Variants in ASCC3 observed in about 807,000 individuals in gnomAD.
The protein encoded by ASCC3 is activating signal cointegrator 1 complex subunit 3.
In ASCC3, 158 loss-of-function variants were observed where a neutral mutation model predicts 256.3. The ratio of observed to expected loss-of-function variants is 0.62; its 90% CI spans 0.54 to 0.70. The LOEUF (loss-of-function observed/expected upper bound fraction) is 0.70. Among genes scored for constraint, ASCC3 ranks in the 30% least tolerant of loss-of-function variants. ASCC3 has a pLI of 0.00. For missense variants in ASCC3, 2,259 were observed against 2,626.0 expected (o/e 0.86, Z 3.05); for synonymous variants, 948 against 883.4 (o/e 1.07, Z -1.30).
chr6:100,621,530 A>G (rs2114846130), intron 30 of ASCC3, among the ~76,000 whole-genome samples: 2 of 152,326 alleles, frequency 1.3e-5, no homozygotes, highest in South Asian at 4.1e-4. Flanking sequence ...AAGCAAAACC[A>G]TAGTGAGGTA....
chr6:100,821,419 T>C (rs1480541947), intron 4 of ASCC3, among the ~76,000 whole-genome samples: 1 of 152,094 alleles, frequency 6.6e-6, no homozygotes, highest in Non-Finnish European at 1.5e-5. Flanking sequence ...GTGCACAAGT[T>C]TGGTTATTCA....
chr6:100,737,590 T>C (rs989495315), intron 10 of ASCC3, among the ~76,000 whole-genome samples: 2 of 152,224 alleles, frequency 1.3e-5, no homozygotes, highest in African/African-American at 2.4e-5. Flanking sequence ...CAGTATTCCA[T>C]GGTGTACAGA....
chr6:100,558,944 A>G (rs74368916), intron 36 of ASCC3, among the ~76,000 whole-genome samples: 1 of 152,278 alleles, frequency 6.6e-6, no homozygotes, highest in East Asian at 1.9e-4. Flanking sequence ...AAAAATGTTT[A>G]TCTCTTCTTG....
chr6:100,703,817 A>T lies in ASCC3; in HGVS notation c.2151+11645T>A, dbSNP rs75437760. ...ATAACAAATGACTGTTAACAAAGGA[A>T]TGAATAAATGGATAAATGTATAACC... On this transcript the variant is annotated intron_variant, in intron 13 of 41. Coordinates refer to ENST00000369162, the MANE Select transcript of ASCC3 (RefSeq NM_006828.4). Among the ~76,000 whole-genome samples the T allele has an allele frequency of 5.3e-3, 799 of 152,066 alleles. 8 individuals carry two copies. The highest frequency in any genetic ancestry group is 0.019 in the African/African-American group (769 of 41,552).
chr6:100,652,308 G>A (rs574851909), intron 18 of ASCC3, among the ~76,000 whole-genome samples: 4 of 152,242 alleles, frequency 2.6e-5, no homozygotes, highest in African/African-American at 4.8e-5. Context: ...CAGAGACAAC[G>A]TGTTGGATTG....
chr6:100,655,949 G>A (rs2114920698), intron 16 of ASCC3, 131 bp from the exon 17 acceptor site: 1 of 994,916 alleles, frequency 1.0e-6, no homozygotes, highest in Non-Finnish European at 1.5e-6. Flanking sequence ...GGTAGGCATA[G>A]TGACTGGACA....
At chr6:100,784,272 T>A (rs1370417315) in intron 8 of ASCC3, among the ~76,000 whole-genome samples, 1 of 152,146 alleles carries the variant, frequency 6.6e-6, no homozygotes, top group East Asian at 1.9e-4. Context: ...ATCTGAGTGT[T>A]GAAGATTTAT....
intron 36 of ASCC3, among the ~76,000 whole-genome samples, chr6:100,585,564 ACTT>A (rs1447459833): frequency 1.3e-5 from 2 of 152,068 alleles, no homozygotes; most frequent in African/African-American, 2.4e-5. Flanking sequence ...TCGTCTGAAG[ACTT>A]CTTCTCTCAA....
At chr6:100,780,688 T>C (rs1228295934) in intron 8 of ASCC3, among the ~76,000 whole-genome samples, 4 of 152,206 alleles carry the variant, frequency 2.6e-5, no homozygotes, top group African/African-American at 4.8e-5. Context: ...TTATTCTCTA[T>C]AGTTATCCTT....
chr6:100,872,653 A>G (rs1480279383), intron 1 of ASCC3, among the ~76,000 whole-genome samples: 3 of 152,026 alleles, frequency 2.0e-5, no homozygotes, highest in African/African-American at 4.8e-5. Flanking sequence ...CCCAGGATAT[A>G]CCCCAAATAC....
intron 13 of ASCC3, among the ~76,000 whole-genome samples, chr6:100,685,924 A>G (rs374082945): frequency 2.6e-5 from 4 of 152,238 alleles, no homozygotes; most frequent in African/African-American, 9.6e-5. Context: ...AAGACACTCA[A>G]GTCATCTGAC....
chr6:100,687,259 C>T (rs1299461338), intron 13 of ASCC3, among the ~76,000 whole-genome samples: 8 of 151,912 alleles, frequency 5.3e-5, no homozygotes, highest in Middle Eastern at 3.2e-3. Flanking sequence ...AAAATGAAAA[C>T]GGGATTTGGT....
intron 36 of ASCC3, among the ~76,000 whole-genome samples, chr6:100,560,150 A>G (rs1188258939): frequency 6.6e-6 from 1 of 152,212 alleles, no homozygotes; most frequent in South Asian, 2.1e-4. Flanking sequence ...GTTTAGGCAG[A>G]AAGTTTTAGT....
rs142999910 is a variant in ASCC3 at position 100,542,676 on chromosome 6, G to A, written c.5551-2289C>T. On this transcript the variant is annotated intron_variant, in intron 36 of 41. Coordinates refer to ENST00000369162, the MANE Select transcript of ASCC3 (RefSeq NM_006828.4). ...CAGCCTGGAGACAGAGCAAGACTCCGTCAAAAAAAAAATAATAATAAAATA... is the reference window on the plus strand; with the variant it reads ...CAGCCTGGAGACAGAGCAAGACTCCATCAAAAAAAAAATAATAATAAAATA... Among the ~76,000 whole-genome samples the A allele has an allele frequency of 4.7e-5, 7 of 149,970 alleles. 1 individual carries two copies. The highest frequency in any genetic ancestry group is 7.3e-5 in the African/African-American group (3 of 40,846).
At chr6:100,595,989 G>T (rs1772273339) in intron 34 of ASCC3, among the ~76,000 whole-genome samples, 2 of 151,722 alleles carry the variant, frequency 1.3e-5, no homozygotes, top group African/African-American at 2.4e-5. Flanking sequence ...TTTTCTATGA[G>T]GTCTGTAAAG....
intron 4 of ASCC3, among the ~76,000 whole-genome samples, chr6:100,813,101 A>G (rs1770559944): frequency 6.6e-6 from 1 of 152,206 alleles, no homozygotes; most frequent in Admixed American, 6.5e-5. Flanking sequence ...AAATTTTGAA[A>G]AAACAATAGT....
intron 2 of ASCC3, among the ~76,000 whole-genome samples, chr6:100,866,918 A>G (rs78583439): frequency 0.027 from 4,157 of 152,338 alleles, 196 homozygotes; most frequent in African/African-American, 0.095. Flanking sequence ...TAAGTATCTT[A>G]TAAGTACATG....
intron 24 of ASCC3, among the ~76,000 whole-genome samples, chr6:100,639,362 G>A (rs975929897): frequency 6.6e-6 from 1 of 152,148 alleles, no homozygotes; most frequent in Non-Finnish European, 1.5e-5. Context: ...CCTGCCCTGA[G>A]AAAACCTAGA....
intron 22 of ASCC3, among the ~76,000 whole-genome samples, chr6:100,645,675 G>A (rs1017051028): frequency 2.0e-5 from 3 of 151,946 alleles, no homozygotes; most frequent in East Asian, 1.9e-4. Flanking sequence ...ATAGTAACTG[G>A]TACAAAAATA....
Sources: allele counts gnomAD v4.1 joint callset (sites outside exome capture counted in the v4.1 genomes callset), GRCh38; gene constraint gnomAD v4.1.1; transcripts MANE v1.5; gene names NCBI Gene and HGNC (gene_info 2026-07-23, HGNC 2026-07-21).